The following FRMPD4 variants were observed in gnomAD, a reference collection of about 807,000 sequenced individuals.
FRMPD4 encodes the protein FERM and PDZ domain containing 4.
FRMPD4 carries 22 observed loss-of-function variants against 94.1 expected under a neutral mutation model. The ratio of observed to expected loss-of-function variants is 0.23; its 90% CI spans 0.17 to 0.33. The LOEUF is 0.33. Among genes scored for constraint, FRMPD4 ranks in the 10% least tolerant of loss-of-function variants. FRMPD4 has a pLI of 1.00. For missense variants in FRMPD4, 1,111 were observed against 1,339.9 expected (o/e 0.83, Z 2.67); for synonymous variants, 631 against 548.6 (o/e 1.15, Z -2.10).
At chrX:11,867,318 A>G (rs1474906181) in intron 2 of FRMPD4, among the ~76,000 whole-genome samples, 1 of 112,079 alleles carries the variant, frequency 8.9e-6, no homozygotes, top group South Asian at 3.7e-4. Flanking sequence ...TTGTACTTCC[A>G]TTATTAACTC....
chrX:12,082,426 C>T (rs1417733956), intron 3 of FRMPD4, among the ~76,000 whole-genome samples: 1 of 112,025 alleles, frequency 8.9e-6, no homozygotes, highest in Non-Finnish European at 1.9e-5. Context: ...TCTGAGGCCT[C>T]CCCAGCCATG....
intron 4 of FRMPD4, among the ~76,000 whole-genome samples, chrX:12,640,342 G>A (rs745695042): frequency 1.9e-5 from 2 of 108,099 alleles, no homozygotes; most frequent in African/African-American, 6.7e-5. Context: ...GAGAGAAGGG[G>A]GAAGGAGGAA....
intron 1 of FRMPD4, among the ~76,000 whole-genome samples, chrX:12,159,926 G>T (rs1320990295): frequency 8.9e-6 from 1 of 111,844 alleles, no homozygotes; most frequent in Non-Finnish European, 1.9e-5. Flanking sequence ...GTGGAAGTGG[G>T]TGTGGAAAGA....
intron 1 of FRMPD4, among the ~76,000 whole-genome samples, chrX:12,493,233 A>C (rs1024101693): frequency 9.0e-5 from 10 of 111,055 alleles, no homozygotes; most frequent in African/African-American, 3.3e-4. Flanking sequence ...AATGTAAAAT[A>C]CTATCTTAGG....
chrX:12,549,813 C>T (rs770916021), intron 2 of FRMPD4, among the ~76,000 whole-genome samples: 69 of 112,411 alleles, frequency 6.1e-4, no homozygotes, highest in Non-Finnish European at 9.0e-4. Context: ...TACTTTCTAC[C>T]TTTTTGGAGA....
chrX:12,530,656 G>T lies in FRMPD4; in HGVS notation c.158+31860G>T, dbSNP rs144656189. Among the ~76,000 whole-genome samples the T allele has an allele frequency of 1.6e-3, 182 of 111,726 alleles. 1 individual carries two copies. The highest frequency in any genetic ancestry group is 5.8e-3 in the African/African-American group (180 of 30,835). ...GAATTGACAGGATTATCAGATCCAG[G>T]GAAGAGTTGTGAGAAATGAGGGGGT... On this transcript the variant is annotated intron_variant, in intron 2 of 16. Transcript: ENST00000675598.
In FRMPD4 at chrX:12,722,800, A is replaced by G. The variant is rs2042264756; in HGVS notation, c.*942A>G. 9.0e-6 allele frequency: 1 copy of G among 111,704 alleles called. No homozygotes were observed. The highest frequency in any genetic ancestry group is 1.9e-5 in the Non-Finnish European group (1 of 53,174). 9.2% of individuals were successfully genotyped at this position (111,704 alleles called of 1,213,427 possible). A position where few individuals can be genotyped will look rare whatever the true frequency, so the allele number is the denominator to read the frequency against. On this transcript the variant is annotated 3_prime_UTR_variant, in exon 17 of 17. Transcript: ENST00000675598. Reference sequence around the variant, plus strand: ...AGGACATTTAGTAAAGTATTTGCAAACTTAAAAAAAGGAACATTTAATGAT... The same window carrying G: ...AGGACATTTAGTAAAGTATTTGCAAGCTTAAAAAAAGGAACATTTAATGAT...
At chrX:11,989,301 A>G in intron 3 of FRMPD4, among the ~76,000 whole-genome samples, 1 of 112,152 alleles carries the variant, frequency 8.9e-6, no homozygotes, top group East Asian at 2.8e-4. Flanking sequence ...ATTCAGCCAT[A>G]AAAGAGAATG....
intron 3 of FRMPD4, among the ~76,000 whole-genome samples, chrX:12,020,653 T>C: frequency 8.9e-6 from 1 of 112,264 alleles, no homozygotes; most frequent in Admixed American, 9.4e-5. Flanking sequence ...GAGTTACATA[T>C]GTATGTGTCC....
chrX:12,398,565 G>C (rs927841661), intron 1 of FRMPD4, among the ~76,000 whole-genome samples: 1 of 111,669 alleles, frequency 9.0e-6, no homozygotes, highest in Non-Finnish European at 1.9e-5. Flanking sequence ...CCTGGAATTA[G>C]AGAAGTGCTA....
In FRMPD4 at chrX:11,849,964, G is replaced by T. The variant is rs192212833; in HGVS notation, c.-160-15122G>T. ...AAATTTAAAACATCTGTGCATCAAA[G>T]GACACAATCAACAGAATGGAAAGCC... On this transcript the variant is annotated intron_variant, in intron 1 of 18. Coordinates refer to the FRMPD4 transcript ENST00000640291. Among the ~76,000 whole-genome samples the T allele has an allele frequency of 3.4e-3, 385 of 111,654 alleles. 3 individuals carry two copies. Among genetic ancestry groups the T allele is most frequent in the African/African-American group, 0.012 (364 of 30,853 alleles).
chrX:12,439,409 GT>G (rs1289196437), intron 1 of FRMPD4, among the ~76,000 whole-genome samples: 3 of 111,476 alleles, frequency 2.7e-5, no homozygotes, highest in Non-Finnish European at 3.8e-5. Context: ...GCTTTTCATT[GT>G]TCTTGACGCT....
In FRMPD4 at chrX:12,176,147, G is replaced by C. The variant is rs1194521679; in HGVS notation, c.41+37135G>C. On this transcript the variant is annotated intron_variant, in intron 1 of 16. Transcript: ENST00000675598. ...GCTCTTGTAAACTGGTAGGAGCCAA[G>C]CAAGCTTCAGCGCATATTAGTTCCA... Among the ~76,000 whole-genome samples, 5 of 112,305 alleles carry C rather than the reference G, an allele frequency of 4.5e-5. No individual in the cohort carries two copies. In the East Asian group the frequency reaches 1.4e-3, roughly 31 times the overall value.
intron 3 of FRMPD4, among the ~76,000 whole-genome samples, chrX:11,894,426 G>C (rs2053891397): frequency 8.9e-6 from 1 of 112,202 alleles, no homozygotes; most frequent in African/African-American, 3.2e-5. Context: ...TATTATACTG[G>C]CTCTTGCATA....
intron 1 of FRMPD4, among the ~76,000 whole-genome samples, chrX:12,353,432 C>A (rs1473087439): frequency 5.4e-5 from 6 of 111,942 alleles, no homozygotes; most frequent in Non-Finnish European, 1.1e-4. Context: ...TGACTTCTGC[C>A]TTGTGGAAGG....
intron 2 of FRMPD4, among the ~76,000 whole-genome samples, chrX:12,606,239 C>G (rs769249856): frequency 8.9e-6 from 1 of 112,183 alleles, no homozygotes; most frequent in African/African-American, 3.2e-5. Flanking sequence ...AGTATGTTAA[C>G]GTACATTTAC....
intron 3 of FRMPD4, among the ~76,000 whole-genome samples, chrX:11,993,255 C>T (rs1452896367): frequency 3.6e-5 from 4 of 110,991 alleles, no homozygotes; most frequent in African/African-American, 1.3e-4. Context: ...TACCCTCCCT[C>T]CCCCACAGGT....
chrX:11,928,763 T>C (rs1387764764), intron 3 of FRMPD4, among the ~76,000 whole-genome samples: 5 of 112,713 alleles, frequency 4.4e-5, no homozygotes, highest in Non-Finnish European at 9.4e-5. Flanking sequence ...TTACTGGGTA[T>C]ATACCCAATG....
At chrX:12,555,796 T>G (rs1209715624) in intron 2 of FRMPD4, among the ~76,000 whole-genome samples, 1 of 112,229 alleles carries the variant, frequency 8.9e-6, no homozygotes, top group African/African-American at 3.2e-5. Flanking sequence ...TTAAGCCTAG[T>G]CTAATGTATC....
Sources: gnomAD v4.1 joint callset for allele counts (sites outside exome capture counted in the v4.1 genomes callset) on GRCh38, gnomAD v4.1.1 for gene constraint, MANE v1.5 for transcripts, NCBI Gene and HGNC (gene_info 2026-07-23, HGNC 2026-07-21) for gene names.